The following SIGLEC1 variants were observed in gnomAD, a reference collection of about 807,000 sequenced individuals.
SIGLEC1 encodes the protein sialic acid binding Ig like lectin 1.
A neutral mutation model predicts 148.0 loss-of-function variants in SIGLEC1; 132 were observed. That is an observed-to-expected ratio of 0.89 (90% CI 0.77 to 1.03). The LOEUF (loss-of-function observed/expected upper bound fraction) is 1.03. Ranked by LOEUF, SIGLEC1 falls within the 50% of genes least tolerant of loss-of-function variation. The pLI is 0.00. For missense variants in SIGLEC1, 2,253 were observed against 2,271.4 expected (o/e 0.99, Z 0.16); for synonymous variants, 945 against 969.0 (o/e 0.98, Z 0.46).
In SIGLEC1 at chr20:3,691,949, T is replaced by C; in HGVS notation, c.4284A>G (p.Gln1428=). The C allele has an allele frequency of 1.9e-6, 3 of 1,603,544 alleles. No individual in the cohort carries two copies. The highest frequency in any genetic ancestry group is 2.6e-6 in the Non-Finnish European group (3 of 1,172,156). Residue 1428 remains glutamine, a synonymous_variant, in exon 17 of 22, where the codon CAA becomes CAG. Coordinates refer to ENST00000344754, the MANE Select transcript of SIGLEC1 (RefSeq NM_023068.4). ...AGDDTYVCTA[Q]NLLGSISTIG... The stretch of plus-strand genomic sequence containing the variant: ...TGGTGCTGATTGAGCCCAGCAAGTT[T>C]TGGGCTGTGCAAACATAGGTGTCAT...
intron 8 of SIGLEC1, 124 bp downstream of exon 8, chr20:3,699,078 G>A (rs2087827863): frequency 8.6e-7 from 1 of 1,156,190 alleles, no homozygotes; most frequent in Non-Finnish European, 1.2e-6. Flanking sequence ...ACTGTGGCCA[G>A]GTCTGTGACC....
At chr20:3,689,766 G>T in intron 19 of SIGLEC1, 64 bp from the exon 20 acceptor site, 14 of 1,434,246 alleles carry the variant, frequency 9.8e-6, no homozygotes, top group Non-Finnish European at 1.1e-5. Flanking sequence ...CCTTCCAAGG[G>T]GACCCACCCA....
chr20:3,706,792 G>A (rs1568463643), intron 2 of SIGLEC1, 86 bp from the exon 3 acceptor site: 37 of 1,434,820 alleles, frequency 2.6e-5, no homozygotes, highest in Non-Finnish European at 3.4e-5. Flanking sequence ...CCCAGAGAAG[G>A]TGCCCCAGCT....
Position 3,705,951 on chromosome 20 carries a change from G to T in SIGLEC1, c.499C>A (p.Leu167Met). 1 of 1,614,152 alleles carries T rather than the reference G, an allele frequency of 6.2e-7. No individual in the cohort carries two copies. The highest frequency in any genetic ancestry group is 1.3e-5 in the African/African-American group (1 of 75,078). The change falls in exon 4 of 22, where the codon CTG becomes ATG. Residue 167 changes from leucine to methionine, a missense_variant. Transcript: ENST00000344754. ...CACTGCAGTCTGACCTGCTCCTGCAGGCATACGTAGGGAGTGGAGCAGTTG... is the reference window on the plus strand; with the variant it reads ...CACTGCAGTCTGACCTGCTCCTGCATGCATACGTAGGGAGTGGAGCAGTTG... ...DFNCSTPYVC[L>M]QEQVRLQWQG... is the part of the protein sequence containing the mutation.
intron 7 of SIGLEC1, among the ~76,000 whole-genome samples, chr20:3,700,619 G>T (rs2087842922): frequency 6.6e-6 from 1 of 151,646 alleles, no homozygotes; most frequent in African/African-American, 2.4e-5. Context: ...TGATCAATTA[G>T]CTACCATGCC....
chr20:3,692,343 GGGCAGAGTGCTCCA>G, intron 16 of SIGLEC1, 141 bp from the exon 17 acceptor site: 1 of 1,169,182 alleles, frequency 8.6e-7, no homozygotes, highest in Non-Finnish European at 1.2e-6. Context: ...GGAGTCCTGT[GGGCAGAGTGCTCCA>G]GGCAGGGCTT....
intron 5 of SIGLEC1, 67 bp from the exon 6 acceptor site, chr20:3,703,518 C>T: frequency 6.6e-7 from 1 of 1,519,856 alleles, no homozygotes; most frequent in Non-Finnish European, 8.8e-7. Flanking sequence ...CCATACAGTC[C>T]CCGGGTCTCA....
Position 3,693,136 on chromosome 20 carries a change from A to G in SIGLEC1, c.3509-5T>C. The G allele has an allele frequency of 6.5e-7, 1 of 1,536,468 alleles. No homozygotes were observed. ...GGCGCAGGTTGCGGGGCGCGTCTGC[A>G]GGGCATGAGAGGCTTACACGGAGTC... On this transcript the variant is annotated splice_region_variant and splice_polypyrimidine_tract_variant and intron_variant, in intron 14 of 21. Coordinates refer to ENST00000344754, the MANE Select transcript of SIGLEC1 (RefSeq NM_023068.4).
At chr20:3,694,585 G>A (rs1056438174) in intron 12 of SIGLEC1, 53 bp from the exon 13 acceptor site, 2 of 1,559,794 alleles carry the variant, frequency 1.3e-6, no homozygotes, top group Admixed American at 1.8e-5. Flanking sequence ...CCTCATCCAG[G>A]GCTCTGTCAT....
At chr20:3,701,212 G>T in intron 7 of SIGLEC1, 130 bp downstream of exon 7, 1 of 854,950 alleles carries the variant, frequency 1.2e-6, no homozygotes, top group Non-Finnish European at 1.8e-6. Flanking sequence ...CACAGCCCCT[G>T]TCTTTTATGT....
rs955807409 is a variant in SIGLEC1 at position 3,695,073 on chromosome 20, C to T, written c.2684-150G>A. 1.0e-5 allele frequency: 8 copies of T among 777,950 alleles called. No homozygotes were observed. In the African/African-American group the frequency reaches 1.2e-4, roughly 12 times the overall value. 48.2% of individuals were successfully genotyped at this position (777,950 alleles called of 1,614,324 possible). On this transcript the variant is annotated intron_variant, in intron 11 of 21. Coordinates refer to ENST00000344754, the MANE Select transcript of SIGLEC1 (RefSeq NM_023068.4). The stretch of plus-strand genomic sequence containing the variant: ...GACCACCGCCAGGGCCCACTCAGCC[C>T]TATGCCTTGGCCCCTCCTGCTCCCC...
Position 3,694,781 on chromosome 20 carries a change from C to G in SIGLEC1, c.2826G>C (p.Ser942=), listed in dbSNP as rs762801886. ...TTATGGCTGCAAAGCGGAGCGTGGC[C>G]GAGGTCGACTCCTGGAGGGGCTGGC... ...RDGQPLQEST[S]ATLRFAAITL... Residue 942 remains serine, a synonymous_variant, in exon 12 of 22, where the codon TCG becomes TCC. Coordinates refer to ENST00000344754, the MANE Select transcript of SIGLEC1 (RefSeq NM_023068.4). 6 of 1,613,626 alleles carry G rather than the reference C, an allele frequency of 3.7e-6. No individual in the cohort carries two copies. The highest frequency in any genetic ancestry group is 5.1e-6 in the Non-Finnish European group (6 of 1,180,022).
chr20:3,704,212 T>A (rs777177042), intron 4 of SIGLEC1, 121 bp from the exon 5 acceptor site: 1 of 894,466 alleles, frequency 1.1e-6, no homozygotes, highest in South Asian at 1.6e-5. Context: ...AAAACAGCAG[T>A]CCCCTTCAAT....
chr20:3,698,194 G>T (rs76500013), intron 8 of SIGLEC1, 61 bp from the exon 9 acceptor site: 92,584 of 1,404,036 alleles, frequency 0.066, 3,420 homozygotes, highest in East Asian at 0.12. Flanking sequence ...CACAAGCCTG[G>T]CTAGGCTCCC....
intron 1 of SIGLEC1, among the ~76,000 whole-genome samples, chr20:3,708,134 T>C (rs2087908702): frequency 6.6e-6 from 1 of 151,704 alleles, no homozygotes; most frequent in Non-Finnish European, 1.5e-5. Flanking sequence ...AGGTTCAGAG[T>C]TGGAGTGGGG....
intron 4 of SIGLEC1, among the ~76,000 whole-genome samples, chr20:3,704,834 G>C (rs979597428): frequency 3.9e-5 from 6 of 152,072 alleles, no homozygotes; most frequent in Non-Finnish European, 8.8e-5. Flanking sequence ...ATGTTGCCCA[G>C]GCTGGTCTCG....
chr20:3,699,227 A>T lies in SIGLEC1; in HGVS notation c.1761T>A (p.Ser587=). ...AGAGCACAGTGAGAACAGCTGGCGA[A>T]GAGGGGCCACTGGCACTGTGGCCGT... ...ARDGHSASGP[S]SPAVLTVLYP... is the part of the protein sequence containing the mutation. The change falls in exon 8 of 22, where the codon TCT becomes TCA. Residue 587 remains serine (S), a synonymous_variant. Coordinates refer to ENST00000344754, the MANE Select transcript of SIGLEC1 (RefSeq NM_023068.4). 6.2e-7 allele frequency: 1 copy of T among 1,610,640 alleles called. No individual in the cohort carries two copies. The highest frequency in any genetic ancestry group is 8.5e-7 in the Non-Finnish European group (1 of 1,179,232).
intron 20 of SIGLEC1, 73 bp from the exon 21 acceptor site, chr20:3,689,300 C>T: frequency 7.6e-7 from 1 of 1,323,092 alleles, no homozygotes; most frequent in Non-Finnish European, 1.1e-6. Context: ...TCCCGCTCCC[C>T]ACAGGCTGGC....
chr20:3,699,442 T>C lies in SIGLEC1; in HGVS notation c.1546A>G (p.Ser516Gly), dbSNP rs368280847. ...FHANAARLLI[S>G]PAAEVVEGQA... ...CCTTCCACCACCTCGGCTGCCGGGCTGATGAGGAGACGGGCGGCTGCGGGG... is the reference window on the plus strand; with the variant it reads ...CCTTCCACCACCTCGGCTGCCGGGCCGATGAGGAGACGGGCGGCTGCGGGG... The change falls in exon 8 of 22, where the codon AGC (serine) becomes GGC (glycine). Residue 516 changes from serine to glycine, a missense_variant. By Grantham distance (56) the Ser-to-Gly change is moderately conservative (BLOSUM62 0). Coordinates refer to ENST00000344754, the MANE Select transcript of SIGLEC1 (RefSeq NM_023068.4). The C allele has an allele frequency of 3.4e-5, 55 of 1,609,770 alleles. No homozygotes were observed. The highest frequency in any genetic ancestry group is 3.3e-4 in the Middle Eastern group (2 of 6,072).
Sources: gnomAD v4.1 joint callset for allele counts (sites outside exome capture counted in the v4.1 genomes callset) on GRCh38, gnomAD v4.1.1 for gene constraint, MANE v1.5 for transcripts, NCBI Gene and HGNC (gene_info 2026-07-23, HGNC 2026-07-21) for gene names.